CTDSP1: variants seen among roughly 807,000 people sequenced by gnomAD.
CTDSP1 encodes the protein CTD small phosphatase 1, also known as carboxy-terminal domain RNA polymerase II polypeptide A small phosphatase 1.
A neutral mutation model predicts 32.5 loss-of-function variants in CTDSP1; 15 were observed. The ratio of observed to expected loss-of-function variants is 0.46; its 90% confidence interval spans 0.31 to 0.71. The LOEUF (loss-of-function observed/expected upper bound fraction) is 0.71. Among genes scored for constraint, CTDSP1 ranks in the 30% least tolerant of loss-of-function variants. CTDSP1 has a pLI of 0.05. For synonymous variants in CTDSP1, 185 were observed against 145.4 expected (o/e 1.27, Z -1.96); for missense variants, 294 against 351.1 (o/e 0.84, Z 1.30).
upstream of CTDSP1, chr2:218,398,455 C>G (rs1222872667): frequency 6.5e-7 from 1 of 1,532,474 alleles, no homozygotes; most frequent in Non-Finnish European, 8.7e-7. Flanking sequence ...GGAGGAGGGC[C>G]GAGGGATCCA....
rs2227252 is a variant in CTDSP1 at position 218,401,718 on chromosome 2, T to G, written c.216+6T>G. The G allele has an allele frequency of 3.3e-5, 52 of 1,559,576 alleles. No homozygotes were observed. The highest frequency in any genetic ancestry group is 4.5e-5 in the East Asian group (2 of 44,374). ...AGAATGGCGCCATCCCTAAGGTGCG[T>G]GGGGGCCAGGTGGGGCCACGGGGGC... On this transcript the variant is annotated splice_donor_region_variant and intron_variant, in intron 2 of 6. Coordinates refer to ENST00000273062, the MANE Select transcript of CTDSP1 (RefSeq NM_021198.3).
upstream of CTDSP1, chr2:218,399,804 GGTCACGCCGAA>G: frequency 8.8e-7 from 1 of 1,134,584 alleles, no homozygotes; most frequent in Non-Finnish European, 1.1e-6. Flanking sequence ...GCCGAGTCCA[GGTCACGCCGAA>G]GCCGTTGCCC....
chr2:218,400,276 A>C, intron 1 of CTDSP1, 119 bp downstream of exon 1: 4 of 893,336 alleles, frequency 4.5e-6, no homozygotes, highest in Non-Finnish European at 6.9e-6. Context: ...GCTGTGCCCG[A>C]AGCTCCCAGC....
upstream of CTDSP1, chr2:218,398,434 A>G (rs1696931704): frequency 2.0e-6 from 3 of 1,534,810 alleles, no homozygotes; most frequent in Non-Finnish European, 2.6e-6. Context: ...CCCGTGGGCT[A>G]CCCAGGAGCA....
In CTDSP1 at chr2:218,401,640, G is replaced by A. The variant is rs147667569; in HGVS notation, c.144G>A (p.Arg48=). ...ACTCACTCTTCTGCTGTGTCTGCCGGGATGATGGGGAGGCCCTGCCTGCTC... is the reference window on the plus strand; with the variant it reads ...ACTCACTCTTCTGCTGTGTCTGCCGAGATGATGGGGAGGCCCTGCCTGCTC... ...ILHSLFCCVC[R]DDGEALPAHS... The change falls in exon 2 of 7, where the codon CGG becomes CGA. Residue 48 remains arginine (R), a synonymous_variant. Transcript: ENST00000273062. The A allele has an allele frequency of 2.7e-4, 435 of 1,613,062 alleles. No individual in the cohort carries two copies. Among genetic ancestry groups the A allele is most frequent in the African/African-American group, 8.8e-4 (66 of 75,012 alleles).
chr2:218,401,008 G>A (rs1167976067), intron 1 of CTDSP1: 1 of 429,136 alleles, frequency 2.3e-6, no homozygotes, highest in East Asian at 7.1e-5. Flanking sequence ...TGTCAATCAG[G>A]CTGCTGGGCT....
At chr2:218,402,799 G>A in intron 4 of CTDSP1, 1 of 701,402 alleles carries the variant, frequency 1.4e-6, no homozygotes, top group East Asian at 2.6e-5. Context: ...GGAAGGGATT[G>A]GGAATTAGGG....
rs1478871757 is a variant in CTDSP1 at position 218,405,575 on chromosome 2, C to G, written c.*1150C>G. ...GTGGGGTTTGGGGATCTCCAGGAAGCCCGACCAAGCTGTCCCCTTCCCCTG... is the reference window on the plus strand; with the variant it reads ...GTGGGGTTTGGGGATCTCCAGGAAGGCCGACCAAGCTGTCCCCTTCCCCTG... On this transcript the variant is annotated 3_prime_UTR_variant, in exon 7 of 7. Coordinates refer to ENST00000273062, the MANE Select transcript of CTDSP1 (RefSeq NM_021198.3). 6.5e-6 allele frequency: 1 copy of G among 152,992 alleles called. No individual in the cohort carries two copies. Among genetic ancestry groups the G allele is most frequent in the Non-Finnish European group, 1.5e-5 (1 of 68,274 alleles). 9.5% of individuals were successfully genotyped at this position (152,992 alleles called of 1,614,324 possible).
At chr2:218,398,484 C>T, upstream of CTDSP1, 1 of 1,479,212 alleles carries the variant, frequency 6.8e-7, no homozygotes, top group Non-Finnish European at 9.0e-7. Context: ...ACCGGGGTAT[C>T]AGTCCCCGAC....
chr2:218,398,476 C>T (rs1559132436), upstream of CTDSP1: 4 of 1,525,732 alleles, frequency 2.6e-6, no homozygotes, highest in African/African-American at 1.4e-5. Context: ...GCCCGGGGAC[C>T]GGGGTATCAG....
chr2:218,404,471 ACCT>A lies in CTDSP1; in HGVS notation c.*52_*54del. The stretch of plus-strand genomic sequence containing the variant: ...CCTGCCCCTGACCAATGATACCCAC[ACCT>A]CCTCCCAGGAAGACTGCCCAGGCCT... On this transcript the variant is annotated 3_prime_UTR_variant, in exon 7 of 7. Coordinates refer to ENST00000273062, the MANE Select transcript of CTDSP1 (RefSeq NM_021198.3). 2 of 1,604,790 alleles carry A rather than the reference ACCT, an allele frequency of 1.2e-6. No homozygotes were observed. Among genetic ancestry groups the A allele is most frequent in the Non-Finnish European group, 1.7e-6 (2 of 1,174,656 alleles).
At chr2:218,404,233 T>C in intron 6 of CTDSP1, 64 bp from the exon 7 acceptor site, 1 of 1,585,622 alleles carries the variant, frequency 6.3e-7, no homozygotes. Context: ...TACATAGGGC[T>C]GGCCTGGAAA....
Position 218,401,608 on chromosome 2 carries a change from A to C in CTDSP1, c.112A>C (p.Ile38Leu), listed in dbSNP as rs1327135344. 6 of 1,613,942 alleles carry C rather than the reference A, an allele frequency of 3.7e-6. No homozygotes were observed. The highest frequency in any genetic ancestry group is 2.2e-5 in the East Asian group (1 of 44,880). The change falls in exon 2 of 7, where the codon ATC becomes CTC. Residue 38 changes from isoleucine to leucine, a missense_variant. By Grantham distance (5) the Ile-to-Leu change is conservative. Transcript: ENST00000273062. Reference protein sequence around the residue: ...AASQKPRSRGILHSLFCCVCR... With the variant: ...AASQKPRSRGLLHSLFCCVCR... ...TTCCCAGAAGCCCCGAAGCCGGGGC[A>C]TCCTCCACTCACTCTTCTGCTGTGT...
chr2:218,398,299 G>C (rs1191014313), upstream of CTDSP1: 28 of 963,432 alleles, frequency 2.9e-5, no homozygotes, highest in Non-Finnish European at 4.1e-5. Flanking sequence ...TTCCTCATCT[G>C]TGAAATGGGT....
chr2:218,403,592 C>A, intron 6 of CTDSP1, 175 bp downstream of exon 6: 1 of 585,362 alleles, frequency 1.7e-6, no homozygotes, highest in Non-Finnish European at 2.9e-6. Flanking sequence ...TGCCCTGTAG[C>A]CATATGGTCT....
rs763631594 is a variant in CTDSP1, at chr2:218,401,746, CTGGA to C, written c.216+35_216+38del. ...GGGCCAGGTGGGGCCACGGGGGCAC[CTGGA>C]CTCAGTCTTCAGGGCTTTAGGGGAA... On this transcript the variant is annotated intron_variant, in intron 2 of 6. Transcript: ENST00000273062. The C allele has an allele frequency of 2.0e-6, 3 of 1,520,806 alleles. No individual in the cohort carries two copies. The South Asian group carries it at 3.9e-5, about 20-fold the overall frequency. 94.2% of individuals were successfully genotyped at this position (1,520,806 alleles called of 1,614,324 possible). A position where few individuals can be genotyped will look rare whatever the true frequency, so the allele number is the denominator to read the frequency against.
chr2:218,402,670 G>A (rs1697213515), intron 4 of CTDSP1: 2 of 766,418 alleles, frequency 2.6e-6, no homozygotes, highest in African/African-American at 3.4e-5. Flanking sequence ...AAGTAATTCA[G>A]GATAGGTTGT....
chr2:218,401,293 A>G, intron 1 of CTDSP1: 1 of 526,030 alleles, frequency 1.9e-6, no homozygotes, highest in South Asian at 2.1e-5. Context: ...GGGAGAGAGC[A>G]CCCCAGGACC....
chr2:218,402,933 C>T (rs1697226729), intron 4 of CTDSP1, 102 bp from the exon 5 acceptor site: 3 of 848,904 alleles, frequency 3.5e-6, no homozygotes, highest in East Asian at 5.1e-5. Context: ...GCCCAGTCTC[C>T]TTCCTGTGCG....
Sources: allele counts gnomAD v4.1 joint callset, GRCh38; gene constraint gnomAD v4.1.1; transcripts MANE v1.5; gene names NCBI Gene and HGNC (gene_info 2026-07-23, HGNC 2026-07-21).